Variants in NCBP2 observed in about 807,000 individuals in gnomAD.
NCBP2 encodes the protein nuclear cap-binding protein subunit 2.
Under a neutral mutation model 21.5 loss-of-function variants are expected in NCBP2, and 8 were observed. The ratio of observed to expected loss-of-function variants is 0.37; its 90% confidence interval spans 0.22 to 0.67. NCBP2 has a LOEUF of 0.67. NCBP2 is among the 30% of genes least tolerant of loss of function. NCBP2 has a pLI of 0.56. For synonymous variants in NCBP2, 92 were observed against 75.8 expected (o/e 1.21, Z -1.11); for missense variants, 127 against 206.9 (o/e 0.61, Z 2.37).
rs1311950718 is a variant in NCBP2, at chr3:196,936,734, T to G, written c.*277A>C. On this transcript the variant is annotated 3_prime_UTR_variant, in exon 4 of 4. Coordinates refer to ENST00000321256, the MANE Select transcript of NCBP2 (RefSeq NM_007362.5). ...AAGTGTAGTGGTTATGGCTAAAGAC[T>G]AATCAACATTACAGATCCAATCTGT... The G allele has an allele frequency of 5.9e-6, 3 of 506,312 alleles. No homozygotes were observed. Among genetic ancestry groups the G allele is most frequent in the Non-Finnish European group, 1.1e-5 (3 of 281,558 alleles). The allele number at this position is 506,312 out of a possible 1,614,324, so 31.4% of individuals were successfully genotyped here.
chr3:196,938,036 T>C (rs182535039), intron 2 of NCBP2: 42 of 171,274 alleles, frequency 2.5e-4, no homozygotes, highest in Admixed American at 2.2e-3. Context: ...GGAATTGTGC[T>C]GCACTTCACT....
chr3:196,939,689 C>T (rs542709393), intron 1 of NCBP2, among the ~76,000 whole-genome samples: 3 of 152,334 alleles, frequency 2.0e-5, no homozygotes, highest in Non-Finnish European at 4.4e-5. Flanking sequence ...CCGACTGCCA[C>T]GCAAGCGGCT....
rs1371559590 is a variant in NCBP2, at chr3:196,936,064, C to T, written c.*947G>A. ...AATGAAAAGAATAAACTTGCTGGTC[C>T]TCATGTCAAGGCAGTGTTTTCATTG... On this transcript the variant is annotated 3_prime_UTR_variant, in exon 4 of 4. Transcript: ENST00000321256. The T allele has an allele frequency of 6.6e-6, 1 of 152,200 alleles. No individual in the cohort carries two copies. Among genetic ancestry groups the T allele is most frequent in the Non-Finnish European group, 1.5e-5 (1 of 68,034 alleles). The allele number at this position is 152,200 out of a possible 1,614,324, so 9.4% of individuals were successfully genotyped here. A position where few individuals can be genotyped will look rare whatever the true frequency, so the allele number is the denominator to read the frequency against.
At chr3:196,942,084 C>A in intron 1 of NCBP2, 1 of 1,508,388 alleles carries the variant, frequency 6.6e-7, no homozygotes, top group Non-Finnish European at 8.8e-7. Context: ...AAGGGCACCC[C>A]TCCCCCTTGC....
chr3:196,935,902 G>A lies in NCBP2; in HGVS notation c.*1109C>T, dbSNP rs964681492. On this transcript the variant is annotated 3_prime_UTR_variant, in exon 4 of 4. Transcript: ENST00000321256. ...CCATCAGCTCACTGTGAAGGCTTGA[G>A]CCTCAGTAGGTAAAATTTGAGGAAA... 1.3e-5 allele frequency: 2 copies of A among 152,124 alleles called. No homozygotes were observed. Among genetic ancestry groups the A allele is most frequent in the African/African-American group, 2.4e-5 (1 of 41,398 alleles). The allele number at this position is 152,124 out of a possible 1,614,324, so 9.4% of individuals were successfully genotyped here. A position where few individuals can be genotyped will look rare whatever the true frequency, so the allele number is the denominator to read the frequency against.
At position 196,937,537 on chromosome 3, in the gene NCBP2, T is replaced by C. The variant is rs751252242; in HGVS notation, c.372A>G (p.Gln124=). 1.1e-5 allele frequency: 17 copies of C among 1,614,076 alleles called. No individual in the cohort carries two copies. In the Admixed American group the frequency reaches 2.8e-4, roughly 27 times the overall value. ...GGCCCCCAGATCGCCCACGGCCGTA[T>C]TGCCTGCCCTCCTTAAAGCCTGCGT... The part of the protein sequence containing the change: ...DWDAGFKEGR[Q]YGRGRSGGQV... The change falls in exon 3 of 4, where the codon CAA becomes CAG. Residue 124 remains glutamine, a synonymous_variant. Transcript: ENST00000321256.
chr3:196,935,804 A>C lies in NCBP2; in HGVS notation c.*1207T>G, dbSNP rs910676368. On this transcript the variant is annotated 3_prime_UTR_variant, in exon 4 of 4. Transcript: ENST00000321256. The stretch of plus-strand genomic sequence containing the variant: ...CAGTTTTAAATGAGCAATAACTCAG[A>C]TATATTAGAGAGAAATCACCTCTTG... 4 of 152,160 alleles carry C rather than the reference A, an allele frequency of 2.6e-5. No individual in the cohort carries two copies. The highest frequency in any genetic ancestry group is 4.4e-5 in the Non-Finnish European group (3 of 68,042). 9.4% of individuals were successfully genotyped at this position (152,160 alleles called of 1,614,324 possible). A position where few individuals can be genotyped will look rare whatever the true frequency, so the allele number is the denominator to read the frequency against.
At chr3:196,941,911 A>C (rs1409918028) in intron 1 of NCBP2, 1 of 1,535,742 alleles carries the variant, frequency 6.5e-7, no homozygotes, top group Non-Finnish European at 8.7e-7. Context: ...CGGAGTGAGG[A>C]CTCCACTTGT....
rs763014780 is a variant in NCBP2, at chr3:196,937,620, C to T, written c.289G>A (p.Ala97Thr). 6.2e-7 allele frequency: 1 copy of T among 1,614,136 alleles called. No individual in the cohort carries two copies. The highest frequency in any genetic ancestry group is 8.5e-7 in the Non-Finnish European group (1 of 1,180,034). The change falls in exon 3 of 4, where the codon GCC (alanine) becomes ACC (threonine). Residue 97 changes from alanine to threonine, a missense_variant. Physicochemically the swap from Ala to Thr is moderately conservative, Grantham distance 58. Coordinates refer to ENST00000321256, the MANE Select transcript of NCBP2 (RefSeq NM_007362.5). ...EYYSRADAEN[A>T]MRYINGTRLD... ...CGCGTCCCATTTATGTACCGCATGG[C>T]GTTTTCCGCATCTGCGCGTGAGTAA...
chr3:196,939,334 G>A lies in NCBP2; in HGVS notation c.177C>T (p.Leu59=). 2 of 1,613,210 alleles carry A rather than the reference G, an allele frequency of 1.2e-6. No homozygotes were observed. The highest frequency in any genetic ancestry group is 1.7e-6 in the Non-Finnish European group (2 of 1,179,164). The change falls in exon 2 of 4, where the codon CTC becomes CTT. Residue 59 remains leucine, a synonymous_variant. Transcript: ENST00000321256. The stretch of plus-strand genomic sequence containing the variant: ...TCTTTATGTCACCACTTTTGCTGAA[G>A]AGTTCATAGATTTGTTCTTCAGTTG... ...FYTTEEQIYE[L]FSKSGDIKKI...
intron 2 of NCBP2, chr3:196,938,019 T>A (rs516461): frequency 0.3 from 53,879 of 182,370 alleles, 9,033 homozygotes; most frequent in East Asian, 0.73. Context: ...AAGGTCACCG[T>A]GCACGTGGAA....
intron 3 of NCBP2, 143 bp from the exon 4 acceptor site, chr3:196,937,225 C>A: frequency 1.2e-6 from 1 of 865,622 alleles, no homozygotes; most frequent in African/African-American, 1.7e-5. Context: ...CACTTCAGCT[C>A]ACTTCAGTGC....
At chr3:196,941,957 A>G in intron 1 of NCBP2, 1 of 1,536,310 alleles carries the variant, frequency 6.5e-7, no homozygotes, top group Non-Finnish European at 8.7e-7. Flanking sequence ...CCGTAACACC[A>G]TCCTCCCAGA....
At chr3:196,941,469 C>T (rs1716560122) in intron 1 of NCBP2, 1 of 165,414 alleles carries the variant, frequency 6.0e-6, no homozygotes, top group Admixed American at 6.0e-5. Context: ...ACACATTTCA[C>T]ACATTCTCCA....
At chr3:196,941,900 G>A (rs1227201182) in intron 1 of NCBP2, 1 of 1,535,580 alleles carries the variant, frequency 6.5e-7, no homozygotes, top group Admixed American at 2.0e-5. Context: ...TTCCCCGAGG[G>A]CGGAGTGAGG....
At position 196,942,052 on chromosome 3, in the gene NCBP2, C is replaced by T. The variant is rs987600003; in HGVS notation, c.78+374G>A. The T allele has an allele frequency of 1.3e-5, 20 of 1,533,156 alleles. No individual in the cohort carries two copies. The African/African-American group carries it at 2.6e-4, about 20-fold the overall frequency. 95.0% of individuals were successfully genotyped at this position (1,533,156 alleles called of 1,614,324 possible). The stretch of plus-strand genomic sequence containing the variant: ...CCCCGCATCTGCATCAGGAAGGCGC[C>T]TCTGCCTACTCTGGGAGAGAGAAGG... On this transcript the variant is annotated intron_variant, in intron 1 of 3. Transcript: ENST00000321256.
intron 1 of NCBP2, chr3:196,941,628 G>A (rs1716573948): frequency 4.1e-6 from 2 of 487,128 alleles, no homozygotes; most frequent in Non-Finnish European, 7.3e-6. Flanking sequence ...AGGATTTGGC[G>A]ACAGCACTCG....
At chr3:196,939,209 T>C (rs749048491) in intron 2 of NCBP2, 42 bp downstream of exon 2, 11 of 1,572,016 alleles carry the variant, frequency 7.0e-6, no homozygotes, top group Admixed American at 1.7e-5. Context: ...CTCTCAGCTC[T>C]ACCCTGGTTC....
chr3:196,941,565 T>C, intron 1 of NCBP2: 1 of 338,438 alleles, frequency 3.0e-6, no homozygotes, highest in East Asian at 5.8e-5. Context: ...CAGGGGATTA[T>C]GAGCTCGCAG....
Sources: allele counts gnomAD v4.1 joint callset (sites outside exome capture counted in the v4.1 genomes callset), GRCh38; gene constraint gnomAD v4.1.1; transcripts MANE v1.5; gene names NCBI Gene and HGNC (gene_info 2026-07-23, HGNC 2026-07-21).